The following HECW2 variants were observed in gnomAD, a reference collection of about 807,000 sequenced individuals.
The protein encoded by HECW2 is HECT, C2 and WW domain containing E3 ubiquitin protein ligase 2, also known as E3 ubiquitin-protein ligase HECW2.
Under a neutral mutation model 175.2 loss-of-function variants are expected in HECW2, and 61 were observed. The observed-to-expected ratio is 0.35, with a 90% confidence interval of 0.28 to 0.43. The LOEUF is 0.43. Ranked by LOEUF, HECW2 falls within the 20% of genes least tolerant of loss-of-function variation. The pLI is 1.00. For synonymous variants in HECW2, 671 were observed against 731.0 expected, an observed-to-expected ratio of 0.92 and a Z score of 1.32; for missense variants, 1,524 against 2,000.5, an observed-to-expected ratio of 0.76 and a Z score of 4.54.
chr2:196,361,860 G>A, intron 2 of HECW2: 1 of 985,320 alleles, frequency 1.0e-6, no homozygotes. Context: ...ATGAGACTTA[G>A]GCAGCAGCAA....
At chr2:196,272,380 G>A (rs1689772465) in intron 16 of HECW2, among the ~76,000 whole-genome samples, 1 of 152,110 alleles carries the variant, frequency 6.6e-6, no homozygotes, top group South Asian at 2.1e-4. Flanking sequence ...ATACTCTTTT[G>A]TCAAGAAAAT....
chr2:196,561,441 C>G (rs751355501), intron 1 of HECW2, among the ~76,000 whole-genome samples: 7 of 152,166 alleles, frequency 4.6e-5, no homozygotes, highest in Non-Finnish European at 1.0e-4. Flanking sequence ...CCGCCCTGAC[C>G]TTCTGCCTTG....
chr2:196,488,969 GA>G (rs1343180320), intron 1 of HECW2, among the ~76,000 whole-genome samples: 1 of 151,918 alleles, frequency 6.6e-6, no homozygotes, highest in East Asian at 1.9e-4. Context: ...AAAGCAAAGG[GA>G]AAAATATTAC....
intron 17 of HECW2, among the ~76,000 whole-genome samples, chr2:196,259,741 T>TATCTG (rs1689212457): frequency 6.6e-6 from 1 of 152,170 alleles, no homozygotes; most frequent in Non-Finnish European, 1.5e-5. Flanking sequence ...CCAGGCCCAT[T>TATCTG]ATCTGGTGAA....
chr2:196,515,217 G>A (rs1034790777), intron 1 of HECW2, among the ~76,000 whole-genome samples: 4 of 152,242 alleles, frequency 2.6e-5, no homozygotes, highest in African/African-American at 9.6e-5. Flanking sequence ...AAGCTGGCGT[G>A]CCTGGCTGTG....
intron 2 of HECW2, among the ~76,000 whole-genome samples, chr2:196,364,588 G>A (rs1050691309): frequency 6.6e-6 from 1 of 152,164 alleles, no homozygotes; most frequent in African/African-American, 2.4e-5. Context: ...CAAATAAAAT[G>A]GGGAAGCACA....
chr2:196,433,308 T>G lies in HECW2; in HGVS notation c.116A>C (p.Glu39Ala). 1.2e-6 allele frequency: 2 copies of G among 1,614,160 alleles called. No homozygotes were observed. The highest frequency in any genetic ancestry group is 1.7e-6 in the Non-Finnish European group (2 of 1,180,024). ...QSLAAQSSMP[E>A]NMTLQRANSD... is the part of the protein sequence containing the mutation. ...GTTGGCCCGCTGCAGGGTCATGTTCTCTGGCATGGAGCTCTGGGCGGCAAG... is the reference window on the plus strand; with the variant it reads ...GTTGGCCCGCTGCAGGGTCATGTTCGCTGGCATGGAGCTCTGGGCGGCAAG... The change falls in exon 2 of 29, where the codon GAG becomes GCG. Residue 39 changes from glutamate (E) to alanine (A), a missense_variant. Around this residue, in one of 11 missense-constraint regions of HECW2, gnomAD observed 135 missense variants for 214.6 expected, o/e 0.63. Coordinates refer to ENST00000644978, the MANE Select transcript of HECW2 (RefSeq NM_001348768.2).
At chr2:196,301,146 T>C (rs1324113907) in intron 13 of HECW2, among the ~76,000 whole-genome samples, 1 of 151,830 alleles carries the variant, frequency 6.6e-6, no homozygotes, top group Non-Finnish European at 1.5e-5. Context: ...TCTGTTTGTG[T>C]TTTAGTTTGC....
chr2:196,533,474 T>TG (rs1323889908), intron 1 of HECW2, among the ~76,000 whole-genome samples: 99 of 151,672 alleles, frequency 6.5e-4, no homozygotes, highest in African/African-American at 2.2e-3. Flanking sequence ...TTTTTGTGTG[T>TG]GTGGGGGGGT....
At chr2:196,554,127 AG>A (rs1689704681) in intron 1 of HECW2, among the ~76,000 whole-genome samples, 1 of 152,066 alleles carries the variant, frequency 6.6e-6, no homozygotes, top group Non-Finnish European at 1.5e-5. Context: ...TCACGAGGTC[AG>A]GAGATCGAGA....
chr2:196,227,726 G>A (rs1687905571), intron 22 of HECW2, among the ~76,000 whole-genome samples: 1 of 152,192 alleles, frequency 6.6e-6, no homozygotes, highest in Non-Finnish European at 1.5e-5. Context: ...CTCTGGGTCA[G>A]GCCCTTCCCC....
intron 1 of HECW2, among the ~76,000 whole-genome samples, chr2:196,591,839 G>A (rs1691205922): frequency 1.3e-5 from 2 of 152,082 alleles, no homozygotes; most frequent in South Asian, 4.1e-4. Context: ...ATCCAGATTA[G>A]GCCTTTTATT....
At chr2:196,430,088 G>A (rs1268205447) in intron 2 of HECW2, among the ~76,000 whole-genome samples, 1 of 152,176 alleles carries the variant, frequency 6.6e-6, no homozygotes, top group Admixed American at 6.5e-5. Context: ...TCAGGAGTAA[G>A]CAGAATGTAC....
intron 1 of HECW2, among the ~76,000 whole-genome samples, chr2:196,516,208 T>C (rs1228955916): frequency 2.0e-5 from 3 of 152,172 alleles, no homozygotes; most frequent in Non-Finnish European, 2.9e-5. Flanking sequence ...AGTAGCATTA[T>C]CATCACTCCA....
At chr2:196,537,059 C>T (rs10931746) in intron 1 of HECW2, among the ~76,000 whole-genome samples, 20,869 of 152,128 alleles carry the variant, frequency 0.14, 1,509 homozygotes, top group Middle Eastern at 0.24. Context: ...AAATCATTTC[C>T]ATCCTAGGAA....
chr2:196,564,145 A>T (rs1690100795), intron 1 of HECW2, among the ~76,000 whole-genome samples: 1 of 152,210 alleles, frequency 6.6e-6, no homozygotes, highest in South Asian at 2.1e-4. Flanking sequence ...TGCCAAAAAA[A>T]GTGAATCTAA....
chr2:196,233,949 C>T (rs570062886), intron 21 of HECW2, among the ~76,000 whole-genome samples: 2 of 152,244 alleles, frequency 1.3e-5, no homozygotes, highest in East Asian at 1.9e-4. Flanking sequence ...CTTTCATTTG[C>T]CTGTCTCAGG....
At chr2:196,484,489 A>T (rs910754590) in intron 1 of HECW2, among the ~76,000 whole-genome samples, 3 of 152,168 alleles carry the variant, frequency 2.0e-5, no homozygotes, top group African/African-American at 4.8e-5. Context: ...ACTGCACTTA[A>T]TGGGAGTTCA....
At chr2:196,352,070 A>G (rs975839727) in intron 2 of HECW2, among the ~76,000 whole-genome samples, 3 of 152,244 alleles carry the variant, frequency 2.0e-5, no homozygotes, top group African/African-American at 7.2e-5. Context: ...CACCAATTTT[A>G]TTAAGTGCTA....
Sources: gnomAD v4.1 joint callset for allele counts (sites outside exome capture counted in the v4.1 genomes callset) on GRCh38, gnomAD v4.1.1 for gene constraint, gnomAD v4.1.1 regional missense constraint, MANE v1.5 for transcripts, NCBI Gene and HGNC (gene_info 2026-07-23, HGNC 2026-07-21) for gene names.